NLGN4X: variants seen among roughly 807,000 people sequenced by gnomAD.
The protein encoded by NLGN4X is neuroligin 4 X-linked, also known as neuroligin-4, X-linked.
Under a neutral mutation model 40.3 loss-of-function variants are expected in NLGN4X, and 3 were observed. The ratio of observed to expected loss-of-function variants is 0.07; its 90% confidence interval spans 0.03 to 0.19. NLGN4X has a LOEUF of 0.19. Ranked by LOEUF, NLGN4X falls within the 10% of genes least tolerant of loss-of-function variation. The pLI is 1.00. For synonymous variants in NLGN4X, 270 were observed against 306.8 expected, an observed-to-expected ratio of 0.88 and a Z score of 1.25; for missense variants, 382 against 708.3, an observed-to-expected ratio of 0.54 and a Z score of 5.23.
intron 1 of NLGN4X, among the ~76,000 whole-genome samples, chrX:6,158,682 G>A: frequency 8.9e-6 from 1 of 111,799 alleles, no homozygotes; most frequent in Non-Finnish European, 1.9e-5. Context: ...TGCAGGATGT[G>A]CAGGTTTGTG....
chrX:6,027,584 C>T (rs1229013366), intron 3 of NLGN4X, among the ~76,000 whole-genome samples: 1 of 109,685 alleles, frequency 9.1e-6, no homozygotes, highest in Non-Finnish European at 1.9e-5. Flanking sequence ...TTTCTTACAA[C>T]ACCTCTTAGG....
chrX:6,226,084 G>C (rs1441205119), intron 1 of NLGN4X, among the ~76,000 whole-genome samples: 2 of 93,377 alleles, frequency 2.1e-5, no homozygotes, highest in African/African-American at 8.0e-5. Flanking sequence ...ACTCCCCGCA[G>C]ACTCGCCCAA....
At chrX:6,216,113 G>A (rs924584736) in intron 1 of NLGN4X, among the ~76,000 whole-genome samples, 1 of 111,117 alleles carries the variant, frequency 9.0e-6, no homozygotes, top group Non-Finnish European at 1.9e-5. Context: ...CACCCACCTC[G>A]TCCTCCCAAA....
At chrX:6,219,751 T>G (rs1925489291) in intron 1 of NLGN4X, among the ~76,000 whole-genome samples, 1 of 110,298 alleles carries the variant, frequency 9.1e-6, no homozygotes, top group Non-Finnish European at 1.9e-5. Flanking sequence ...AAAGAGAAAA[T>G]GAAGATAATT....
At chrX:5,973,066 G>A (rs1459437991) in intron 3 of NLGN4X, among the ~76,000 whole-genome samples, 1 of 112,315 alleles carries the variant, frequency 8.9e-6, no homozygotes, top group African/African-American at 3.2e-5. Flanking sequence ...AATGAGCAAC[G>A]GATGTAATTA....
intron 3 of NLGN4X, among the ~76,000 whole-genome samples, chrX:5,980,796 T>C (rs1462133837): frequency 9.0e-6 from 1 of 111,281 alleles, no homozygotes; most frequent in African/African-American, 3.3e-5. Flanking sequence ...TCAATTAATA[T>C]AGCTCTATAC....
At position 6,221,390 on chromosome X, in the gene NLGN4X, ATT is replaced by A. The variant is rs1491422837; in HGVS notation, c.-306+7149_-306+7150del. 1.0e-4 allele frequency among the ~76,000 whole-genome samples: 4 copies of A among 39,574 alleles called. No homozygotes were observed. The East Asian group carries it at 2.6e-3, about 26-fold the overall frequency. The allele number at this position is 39,574 out of a possible 115,157, so 34.4% of individuals were successfully genotyped here. A position where few individuals can be genotyped will look rare whatever the true frequency, so the allele number is the denominator to read the frequency against. On this transcript the variant is annotated intron_variant, in intron 1 of 5. Transcript: ENST00000381095. ...GGAAAACCACATTTTTCCTTCTTAT[ATT>A]ATATATATATATATATATATATATA...
intron 2 of NLGN4X, among the ~76,000 whole-genome samples, chrX:6,116,319 A>C (rs2039289584): frequency 4.1e-5 from 3 of 73,288 alleles, no homozygotes; most frequent in African/African-American, 1.5e-4. Context: ...AAAAAAAAAC[A>C]CTGTGAAAGA....
At chrX:5,952,903 G>A (rs895898819) in intron 3 of NLGN4X, among the ~76,000 whole-genome samples, 2 of 111,760 alleles carry the variant, frequency 1.8e-5, no homozygotes, top group African/African-American at 3.3e-5. Context: ...AATCTGATGA[G>A]CATCAATGTA....
chrX:5,941,171 A>C (rs1205116654), intron 3 of NLGN4X, among the ~76,000 whole-genome samples: 1 of 61,829 alleles, frequency 1.6e-5, no homozygotes, highest in Non-Finnish European at 3.0e-5. Context: ...TCTGGATCGT[A>C]TGCTAGGGGG....
chrX:6,201,825 G>C (rs1390795407), intron 1 of NLGN4X, among the ~76,000 whole-genome samples: 1 of 111,003 alleles, frequency 9.0e-6, no homozygotes, highest in Non-Finnish European at 1.9e-5. Flanking sequence ...GGAGCTGTAA[G>C]GGCAGGAAGG....
chrX:6,102,485 A>C (rs1398278458), intron 2 of NLGN4X, among the ~76,000 whole-genome samples: 1 of 110,195 alleles, frequency 9.1e-6, no homozygotes, highest in African/African-American at 3.3e-5. Context: ...GCTGTCTATG[A>C]ATCAGGAAGT....
At chrX:6,178,764 T>C (rs1921079110) in intron 1 of NLGN4X, among the ~76,000 whole-genome samples, 1 of 111,711 alleles carries the variant, frequency 9.0e-6, no homozygotes, top group South Asian at 3.7e-4. Flanking sequence ...GAACAAAGCA[T>C]GAGAAATATA....
intron 3 of NLGN4X, among the ~76,000 whole-genome samples, chrX:5,978,147 T>C (rs1306122880): frequency 2.7e-5 from 3 of 112,248 alleles, no homozygotes; most frequent in African/African-American, 6.5e-5. Flanking sequence ...TTCAGAGACA[T>C]AGGATGCAAG....
At chrX:6,176,614 C>T (rs1030747515) in intron 1 of NLGN4X, among the ~76,000 whole-genome samples, 2 of 111,737 alleles carry the variant, frequency 1.8e-5, no homozygotes, top group African/African-American at 6.5e-5. Flanking sequence ...AGAGGAAGAA[C>T]CAGAAAGATG....
At chrX:6,205,061 C>T (rs992606864) in intron 1 of NLGN4X, among the ~76,000 whole-genome samples, 6 of 111,597 alleles carry the variant, frequency 5.4e-5, no homozygotes, top group Non-Finnish European at 7.5e-5. Context: ...CCCTGCAACA[C>T]GATCATCCCC....
At chrX:5,985,829 C>CA (rs1412524954) in intron 3 of NLGN4X, among the ~76,000 whole-genome samples, 1 of 111,355 alleles carries the variant, frequency 9.0e-6, no homozygotes, top group African/African-American at 3.3e-5. Context: ...GGATTACTAA[C>CA]AAAACAAAGG....
intron 1 of NLGN4X, among the ~76,000 whole-genome samples, chrX:6,175,655 G>GAAAAAAAAAAAAAAAAAAAAAAAAAA (rs3045369): frequency 2.0e-4 from 12 of 60,989 alleles, no homozygotes; most frequent in African/African-American, 6.6e-4. Context: ...ATCTATTACA[G>GAAAAAAAAAAAAAAAAAAAAAAAAAA]AAAAAAAAAA....
At chrX:6,182,946 C>T (rs536585889) in intron 1 of NLGN4X, among the ~76,000 whole-genome samples, 2 of 112,017 alleles carry the variant, frequency 1.8e-5, no homozygotes, top group South Asian at 3.8e-4. Context: ...CATGAACATG[C>T]TGAAGAAGGA....
Sources: gnomAD v4.1 joint callset for allele counts (sites outside exome capture counted in the v4.1 genomes callset) on GRCh38, gnomAD v4.1.1 for gene constraint, MANE v1.5 for transcripts, NCBI Gene and HGNC (gene_info 2026-07-23, HGNC 2026-07-21) for gene names.